Variants in ST3GAL4 observed in about 807,000 individuals in gnomAD.
ST3GAL4 encodes ST3 beta-galactoside alpha-2,3-sialyltransferase 4.
In ST3GAL4, 24 loss-of-function variants were observed where a neutral mutation model predicts 42.6. The observed-to-expected ratio is 0.56, with a 90% CI of 0.41 to 0.79. The LOEUF is 0.79. Among genes scored for constraint, ST3GAL4 ranks in the 30% least tolerant of loss-of-function variants. The pLI is 0.00. For missense variants in ST3GAL4, 311 were observed against 430.8 expected, an observed-to-expected ratio of 0.72 and a Z score of 2.46; for synonymous variants, 135 against 163.2, an observed-to-expected ratio of 0.83 and a Z score of 1.32.
chr11:126,361,783 C>T (rs57436737), intron 1 of ST3GAL4, among the ~76,000 whole-genome samples: 162 of 152,232 alleles, frequency 1.1e-3, no homozygotes, highest in African/African-American at 3.8e-3. Context: ...TTCCTAGAAG[C>T]AGGTTGGAGG....
Position 126,376,179 on chromosome 11 carries a change from C to A in ST3GAL4, c.-61+20337C>A, listed in dbSNP as rs188967738. On this transcript the variant is annotated intron_variant, in intron 1 of 10. Coordinates refer to ENST00000444328, the MANE Select transcript of ST3GAL4 (RefSeq NM_001254757.2). The surrounding 1 kb of genome is among the most constrained non-coding windows in gnomAD (Gnocchi z 5.1). Reference sequence around the variant, plus strand: ...TTCTATAGTAAGTTACTCCGATTGGCTTTTGGTATTAAAATGTCTTCAGTT... The same window carrying A: ...TTCTATAGTAAGTTACTCCGATTGGATTTTGGTATTAAAATGTCTTCAGTT... 4.6e-5 allele frequency among the ~76,000 whole-genome samples: 7 copies of A among 152,202 alleles called. No individual in the cohort carries two copies. Among genetic ancestry groups the A allele is most frequent in the African/African-American group, 1.7e-4 (7 of 41,542 alleles).
intron 1 of ST3GAL4, among the ~76,000 whole-genome samples, chr11:126,360,488 A>T (rs918074953): frequency 2.0e-5 from 3 of 152,172 alleles, no homozygotes; most frequent in Non-Finnish European, 2.9e-5. Flanking sequence ...CAGTGGCGCG[A>T]TCTCGGCTAA....
rs1420506524 is a variant in ST3GAL4 at position 126,386,107 on chromosome 11, A to G, written c.-60-19989A>G. 6.6e-6 allele frequency among the ~76,000 whole-genome samples: 1 copy of G among 151,960 alleles called. No individual in the cohort carries two copies. The highest frequency in any genetic ancestry group is 1.5e-5 in the Non-Finnish European group (1 of 68,006). Reference sequence around the variant, plus strand: ...CTTCTCTTGCCTACCCCATCTTCCCATGGCTGCCCTTCATGTAGGCCTCCG... The same window carrying G: ...CTTCTCTTGCCTACCCCATCTTCCCGTGGCTGCCCTTCATGTAGGCCTCCG... On this transcript the variant is annotated intron_variant, in intron 1 of 10. Coordinates refer to ENST00000444328, the MANE Select transcript of ST3GAL4 (RefSeq NM_001254757.2). This position sits in a 1 kb window ranked among gnomAD's most constrained non-coding sequence, Gnocchi z 4.7.
At chr11:126,385,657 T>C (rs1362202009) in intron 1 of ST3GAL4, among the ~76,000 whole-genome samples, 1 of 152,192 alleles carries the variant, frequency 6.6e-6, no homozygotes, top group East Asian at 1.9e-4. Context: ...CCCCATCAAT[T>C]TGTTGAAAAC....
chr11:126,404,420 G>C (rs1485345743), intron 1 of ST3GAL4, among the ~76,000 whole-genome samples: 1 of 152,198 alleles, frequency 6.6e-6, no homozygotes, highest in Non-Finnish European at 1.5e-5. Context: ...TGTGGGACTA[G>C]AGCTGCGAAC....
In ST3GAL4 at chr11:126,414,368, G is replaced by A. The variant is rs1401396389; in HGVS notation, c.*321G>A. The A allele has an allele frequency of 8.5e-6, 3 of 351,306 alleles. No homozygotes were observed. The Admixed American group carries it at 1.2e-4, about 14-fold the overall frequency. The allele number at this position is 351,306 out of a possible 1,614,324, so 21.8% of individuals were successfully genotyped here. On this transcript the variant is annotated 3_prime_UTR_variant, in exon 11 of 11. Coordinates refer to ENST00000444328, the MANE Select transcript of ST3GAL4 (RefSeq NM_001254757.2). The stretch of plus-strand genomic sequence containing the variant: ...ATTAAGGGGTAGGAAGGTGCTGTGG[G>A]CTGGTCCCACACATCCAGGAAAGAG...
At chr11:126,401,011 A>T (rs982042943) in intron 1 of ST3GAL4, among the ~76,000 whole-genome samples, 1 of 151,692 alleles carries the variant, frequency 6.6e-6, no homozygotes, top group Non-Finnish European at 1.5e-5. Context: ...GTGTTGGGAG[A>T]CTGGGTTGAT....
intron 1 of ST3GAL4, among the ~76,000 whole-genome samples, chr11:126,371,272 T>G (rs1591428462): frequency 6.9e-6 from 1 of 145,010 alleles, no homozygotes; most frequent in Non-Finnish European, 1.5e-5. Flanking sequence ...CCAAGTGATT[T>G]TCCTGCCTCA....
intron 1 of ST3GAL4, among the ~76,000 whole-genome samples, chr11:126,404,843 A>G (rs551990740): frequency 6.6e-6 from 1 of 152,330 alleles, no homozygotes; most frequent in Admixed American, 6.5e-5. Context: ...GAGCCTGGGA[A>G]TGAGCCCGCT....
intron 1 of ST3GAL4, chr11:126,358,392 C>T (rs1442611353): frequency 1.5e-5 from 6 of 410,534 alleles, no homozygotes. Context: ...TTAACCCCCT[C>T]TTCTTTGTTG....
At chr11:126,387,814 A>G (rs1953288345) in intron 1 of ST3GAL4, among the ~76,000 whole-genome samples, 2 of 152,196 alleles carry the variant, frequency 1.3e-5, no homozygotes, top group African/African-American at 4.8e-5. Flanking sequence ...GAGTAAACCT[A>G]TTCGTGTACA....
rs545381257 is a variant in ST3GAL4 at position 126,406,404 on chromosome 11, G to A, written c.17-69G>A. 3.1e-6 allele frequency: 5 copies of A among 1,611,436 alleles called. No individual in the cohort carries two copies. The South Asian group carries it at 5.5e-5, about 18-fold the overall frequency. The stretch of plus-strand genomic sequence containing the variant: ...GTCGGAGGGACTCAGAAGGGGGCAG[G>A]TGGGAAGGTGGACGGGGGTTGTACC... On this transcript the variant is annotated intron_variant, in intron 2 of 10. Transcript: ENST00000444328. The surrounding 1 kb of genome is among the most constrained non-coding windows in gnomAD (Gnocchi z 5.4).
chr11:126,372,499 C>T (rs758924966), intron 1 of ST3GAL4, among the ~76,000 whole-genome samples: 2 of 151,786 alleles, frequency 1.3e-5, no homozygotes, highest in Non-Finnish European at 2.9e-5. Context: ...TCACCACAAC[C>T]TCTGCCTCCT....
intron 1 of ST3GAL4, among the ~76,000 whole-genome samples, chr11:126,399,251 C>T (rs1237269519): frequency 6.6e-6 from 1 of 150,698 alleles, no homozygotes; most frequent in Admixed American, 6.6e-5. Context: ...TCCTTCCAGT[C>T]TCTAAGTTCT....
chr11:126,413,427 T>G (rs1954617208), intron 9 of ST3GAL4, 78 bp from the exon 10 acceptor site: 4 of 1,549,798 alleles, frequency 2.6e-6, no homozygotes, highest in Non-Finnish European at 3.5e-6. Context: ...TGCAGGAAGT[T>G]CCACTGCAGA....
At chr11:126,377,600 T>A (rs1398933014) in intron 1 of ST3GAL4, among the ~76,000 whole-genome samples, 1 of 151,612 alleles carries the variant, frequency 6.6e-6, no homozygotes, top group African/African-American at 2.4e-5. Context: ...TTCTCCTGTC[T>A]CAGCCTCCTG....
intron 1 of ST3GAL4, among the ~76,000 whole-genome samples, chr11:126,401,979 CAG>C (rs1481417987): frequency 6.6e-6 from 1 of 150,834 alleles, no homozygotes; most frequent in Non-Finnish European, 1.5e-5. Context: ...GTTTATAAGT[CAG>C]AGAATAGAGA....
chr11:126,384,203 G>A lies in ST3GAL4; in HGVS notation c.-60-21893G>A, dbSNP rs1213328897. On this transcript the variant is annotated intron_variant, in intron 1 of 10. Transcript: ENST00000444328. The surrounding 1 kb of genome is among the most constrained non-coding windows in gnomAD (Gnocchi z 5.5). ...AAGTGCCAGGCTGACCATGGTGTCCGTCTCAGTGCCCAGCAGTTGTTCTGG... is the reference window on the plus strand; with the variant it reads ...AAGTGCCAGGCTGACCATGGTGTCCATCTCAGTGCCCAGCAGTTGTTCTGG... 6.6e-6 allele frequency among the ~76,000 whole-genome samples: 1 copy of A among 152,194 alleles called. No homozygotes were observed. The highest frequency in any genetic ancestry group is 2.4e-5 in the African/African-American group (1 of 41,450).
At chr11:126,371,163 C>CTTTTTT (rs551443393) in intron 1 of ST3GAL4, among the ~76,000 whole-genome samples, 686 of 59,904 alleles carry the variant, frequency 0.011, 193 homozygotes, top group African/African-American at 0.041. Flanking sequence ...CCCCACATTC[C>CTTTTTT]TTTTTTTTTT....
Sources: allele counts gnomAD v4.1 joint callset (sites outside exome capture counted in the v4.1 genomes callset), GRCh38; gene constraint gnomAD v4.1.1; non-coding constraint Gnocchi (gnomAD v3.1); transcripts MANE v1.5; gene names NCBI Gene and HGNC (gene_info 2026-07-23, HGNC 2026-07-21).